LTBP3: variants seen among roughly 807,000 people sequenced by gnomAD.
LTBP3 encodes latent transforming growth factor beta binding protein 3.
In LTBP3, 97 loss-of-function variants were observed where a neutral mutation model predicts 159.7. The observed-to-expected ratio is 0.61, with a 90% CI of 0.52 to 0.72. The LOEUF (loss-of-function observed/expected upper bound fraction) is 0.72, where lower values mean the gene tolerates loss of function less well. Ranked by LOEUF, LTBP3 falls within the 30% of genes least tolerant of loss-of-function variation. LTBP3 has a pLI of 0.00. For missense variants in LTBP3, 1,584 were observed against 1,864.3 expected, an observed-to-expected ratio of 0.85 and a Z score of 2.77; for synonymous variants, 824 against 777.1, an observed-to-expected ratio of 1.06 and a Z score of -1.00.
Position 65,554,189 on chromosome 11 carries a change from C to T in LTBP3, c.523G>A (p.Glu175Lys), listed in dbSNP as rs536136789. Residue 175 changes from glutamate to lysine, a missense_variant, in exon 2 of 28, where the codon GAG (glutamate) becomes AAG (lysine). Physicochemically the swap from Glu to Lys is moderately conservative, Grantham distance 56. This residue lies in a region of LTBP3 where 194 missense variants were observed against 198.7 expected (regional missense o/e 0.98). Coordinates refer to ENST00000301873, the MANE Select transcript of LTBP3 (RefSeq NM_001130144.3). The surrounding 1 kb of genome is among the most constrained non-coding windows in gnomAD (Gnocchi z 5.3). ...STGALPPLAP[E>K]GDSVASKHAI... ...TGCTTGCTGGCCACAGAGTCGCCCT[C>T]CGGAGCCAGGGGCGGCAGCGCCCCT... 1 of 1,611,716 alleles carries T rather than the reference C, an allele frequency of 6.2e-7. No homozygotes were observed. The highest frequency in any genetic ancestry group is 2.2e-5 in the East Asian group (1 of 44,848).
Position 65,539,107 on chromosome 11 carries a change from C to A in LTBP3, c.3885G>T (p.Gly1295=). 1 of 1,462,750 alleles carries A rather than the reference C, an allele frequency of 6.8e-7. No homozygotes were observed. The highest frequency in any genetic ancestry group is 9.1e-7 in the Non-Finnish European group (1 of 1,104,824). The allele number at this position is 1,462,750 out of a possible 1,614,324, so 90.6% of individuals were successfully genotyped here. The change falls in exon 28 of 28, where the codon GGG becomes GGT. Residue 1295 remains glycine (G), a synonymous_variant. Transcript: ENST00000301873. ...KAGFARSRPH[G]ACVPQRRR ...AGCGGCGGCGCTGGGGAACGCAGGC[C>A]CCGTGCGGGCGGCTGCGCGCGAAGC...
Position 65,546,501 on chromosome 11 carries a change from G to A in LTBP3, c.2294C>T (p.Ser765Phe), listed in dbSNP as rs770633969. The A allele has an allele frequency of 1.9e-6, 3 of 1,598,834 alleles. No homozygotes were observed. Among genetic ancestry groups the A allele is most frequent in the Non-Finnish European group, 2.5e-6 (3 of 1,178,898 alleles). Residue 765 changes from serine to phenylalanine, a missense_variant, in exon 16 of 28, where the codon TCC (serine) becomes TTC (phenylalanine). Ser to Phe is a radical substitution (Grantham distance 155). Around this residue, in one of 6 missense-constraint regions of LTBP3, gnomAD observed 565 missense variants for 677.7 expected, o/e 0.83. Coordinates refer to ENST00000301873, the MANE Select transcript of LTBP3 (RefSeq NM_001130144.3). This position sits in a 1 kb window ranked among gnomAD's most constrained non-coding sequence, Gnocchi z 4.0. ...SPGWCENLPG[S>F]FRCTCAQGYA... ...GCCCTGGGCACAGGTGCAGCGGAAG[G>A]AGCCCGGGAGGTTCTCGCACCAGCC...
Position 65,558,043 on chromosome 11 carries a change from C to A in LTBP3, c.-84G>T, listed in dbSNP as rs932369439. Reference sequence around the variant, plus strand: ...CCCGAAGGGAGTAGAGGGCCGGGAGCCCCGGGAGAGGGTAGGGGGCAGCGA... The same window carrying A: ...CCCGAAGGGAGTAGAGGGCCGGGAGACCCGGGAGAGGGTAGGGGGCAGCGA... On this transcript the variant is annotated 5_prime_UTR_variant, in exon 1 of 28. Coordinates refer to ENST00000301873, the MANE Select transcript of LTBP3 (RefSeq NM_001130144.3). The A allele has an allele frequency of 9.3e-7, 1 of 1,074,484 alleles. No homozygotes were observed. The highest frequency in any genetic ancestry group is 1.1e-6 in the Non-Finnish European group (1 of 886,390). The allele number at this position is 1,074,484 out of a possible 1,614,324, so 66.6% of individuals were successfully genotyped here. A position where few individuals can be genotyped will look rare whatever the true frequency, so the allele number is the denominator to read the frequency against.
At chr11:65,540,663 G>A (rs753755551) in intron 21 of LTBP3, 49 bp from the exon 22 acceptor site, 1 of 1,547,462 alleles carries the variant, frequency 6.5e-7, no homozygotes, top group South Asian at 1.1e-5. Flanking sequence ...CTGCAGCCCG[G>A]AGGCGTGGGC....
At chr11:65,548,467 T>G (rs1485603908) in intron 11 of LTBP3, 1 of 318,572 alleles carries the variant, frequency 3.1e-6, no homozygotes, top group Non-Finnish European at 5.9e-6. Flanking sequence ...GCCCAGTGAC[T>G]CCATAAGCCC....
rs1262752000 is a variant in LTBP3, at chr11:65,540,851, C to T, written c.2977+20G>A. 2 of 1,601,898 alleles carry T rather than the reference C, an allele frequency of 1.2e-6. No individual in the cohort carries two copies. Among genetic ancestry groups the T allele is most frequent in the African/African-American group, 1.3e-5 (1 of 74,904 alleles). The stretch of plus-strand genomic sequence containing the variant: ...CCGGGGTGAGAGGGCGCGGGGCGGG[C>T]GGAGCCGCAGGGCGCTTACCACGGT... On this transcript the variant is annotated intron_variant, in intron 21 of 27. Transcript: ENST00000301873.
In LTBP3 at chr11:65,543,626, A is replaced by G. The variant is rs1040410986; in HGVS notation, c.2354-77T>C. 1.8e-5 allele frequency: 29 copies of G among 1,586,786 alleles called. No homozygotes were observed. The African/African-American group carries it at 3.1e-4, about 17-fold the overall frequency. Reference sequence around the variant, plus strand: ...TACTACTGTTTTCTCACTTCTGCGCATGGCCTGGAGCACCAGAGCTGAGGC... The same window carrying G: ...TACTACTGTTTTCTCACTTCTGCGCGTGGCCTGGAGCACCAGAGCTGAGGC... On this transcript the variant is annotated intron_variant, in intron 16 of 27. Transcript: ENST00000301873.
chr11:65,547,383 C>G lies in LTBP3; in HGVS notation c.2107+56G>C. ...AAAATGCAGGCACCCCAGCCCCACC[C>G]CAGGTGGAGAGACAGCTAAGGAGCT... is the stretch of plus-strand genomic sequence containing the variant. On this transcript the variant is annotated intron_variant, in intron 14 of 27. Coordinates refer to ENST00000301873, the MANE Select transcript of LTBP3 (RefSeq NM_001130144.3). This position sits in a 1 kb window ranked among gnomAD's most constrained non-coding sequence, Gnocchi z 4.6. 6.3e-7 allele frequency: 1 copy of G among 1,596,016 alleles called. No homozygotes were observed. The highest frequency in any genetic ancestry group is 1.7e-4 in the Middle Eastern group (1 of 6,012).
chr11:65,547,502 G>A lies in LTBP3; in HGVS notation c.2044C>T (p.His682Tyr). The change falls in exon 14 of 28, where the codon CAC becomes TAC. Residue 682 changes from histidine (H) to tyrosine (Y), a missense_variant. Physicochemically the swap from His to Tyr is moderately conservative, Grantham distance 83 (BLOSUM62 2). This residue lies in a region of LTBP3 where 565 missense variants were observed against 677.7 expected (regional missense o/e 0.83). Transcript: ENST00000301873. This position sits in a 1 kb window ranked among gnomAD's most constrained non-coding sequence, Gnocchi z 4.6. ...DGGFCINFPGHYKCNCYPGYR... is the reference protein window; with the variant it reads ...DGGFCINFPGYYKCNCYPGYR... ...CCGGGGTAGCAGTTGCACTTGTAGT[G>A]ACCGGGAAAGTTGATGCAGAAGCCG... 6.2e-7 allele frequency: 1 copy of A among 1,613,984 alleles called. No individual in the cohort carries two copies. The highest frequency in any genetic ancestry group is 8.5e-7 in the Non-Finnish European group (1 of 1,179,940).
At chr11:65,549,567 C>CTTTTTTTTTTTTTTTTT (rs748132211) in intron 11 of LTBP3, among the ~76,000 whole-genome samples, 6 of 64,744 alleles carry the variant, frequency 9.3e-5, no homozygotes, top group African/African-American at 2.8e-4. Context: ...CCCAGCTAAT[C>CTTTTTTTTTTTTTTTTT]TTTTTTTTTT....
In LTBP3 at chr11:65,551,151, T is replaced by C; in HGVS notation, c.1695A>G (p.Val565=). The change falls in exon 11 of 28, where the codon GTA becomes GTG. Residue 565 remains valine, a synonymous_variant. Coordinates refer to ENST00000301873, the MANE Select transcript of LTBP3 (RefSeq NM_001130144.3). ...CTGTGACCTGAGTGGGAGCGATCTC[T>C]ACGGCGCTGCGGGAAGGAGGCAAGT... ...LPDLPPSRSA[V]EIAPTQVTET... 4 of 1,554,034 alleles carry C rather than the reference T, an allele frequency of 2.6e-6. No homozygotes were observed. Among genetic ancestry groups the C allele is most frequent in the Non-Finnish European group, 3.5e-6 (4 of 1,148,944 alleles).
intron 16 of LTBP3, 134 bp from the exon 17 acceptor site, chr11:65,543,683 G>C: frequency 5.9e-6 from 7 of 1,187,130 alleles, no homozygotes; most frequent in Non-Finnish European, 8.6e-6. Context: ...GCCTCACCCT[G>C]CTTCTGGGTG....
Position 65,539,382 on chromosome 11 carries a change from C to A in LTBP3, c.3706G>T (p.Val1236Leu). 6.5e-7 allele frequency: 1 copy of A among 1,544,034 alleles called. No individual in the cohort carries two copies. The highest frequency in any genetic ancestry group is 1.4e-5 in the African/African-American group (1 of 72,856). ...TGGAAGCCGCCGGGACACTCGCACACGGCGCCGCCCGGCCGCGGCACGCAG... is the reference window on the plus strand; with the variant it reads ...TGGAAGCCGCCGGGACACTCGCACAAGGCGCCGCCCGGCCGCGGCACGCAG... ...GRCVPRPGGA[V>L]CECPGGFQLD... The change falls in exon 27 of 28, where the codon GTG becomes TTG. Residue 1236 changes from valine to leucine, a missense_variant. This residue lies in a region of LTBP3 where 514 missense variants were observed against 530.3 expected (regional missense o/e 0.97). Transcript: ENST00000301873.
At chr11:65,549,856 G>A (rs966065915) in intron 11 of LTBP3, among the ~76,000 whole-genome samples, 11 of 150,882 alleles carry the variant, frequency 7.3e-5, no homozygotes, top group African/African-American at 2.2e-4. Flanking sequence ...AGGAGGTCAA[G>A]GCTGTAGTGA....
Position 65,551,538 on chromosome 11 carries a change from T to G in LTBP3, c.1548+10A>C. The stretch of plus-strand genomic sequence containing the variant: ...CTGCCCACCCCTCCCATCTGGGTTC[T>G]CATACTCACTGAGTCCGTGGTCACC... On this transcript the variant is annotated intron_variant, in intron 9 of 27. Transcript: ENST00000301873. 6.2e-7 allele frequency: 1 copy of G among 1,614,056 alleles called. No homozygotes were observed. Among genetic ancestry groups the G allele is most frequent in the South Asian group, 1.1e-5 (1 of 91,080 alleles).
In LTBP3 at chr11:65,538,561, G is replaced by A. The variant is rs770837602; in HGVS notation, c.*519C>T. On this transcript the variant is annotated 3_prime_UTR_variant, in exon 28 of 28. Coordinates refer to ENST00000301873, the MANE Select transcript of LTBP3 (RefSeq NM_001130144.3). The stretch of plus-strand genomic sequence containing the variant: ...CATGAAGCTGGGAGCCCGGAAGCTG[G>A]ACTGAACCGTGGCGGTGGCCCTTCC... The A allele has an allele frequency of 1.2e-6, 2 of 1,610,920 alleles. No homozygotes were observed. The highest frequency in any genetic ancestry group is 1.7e-6 in the Non-Finnish European group (2 of 1,179,100).
At chr11:65,542,947 T>A (rs1283161377) in intron 18 of LTBP3, 158 bp downstream of exon 18, 1 of 873,768 alleles carries the variant, frequency 1.1e-6, no homozygotes. Flanking sequence ...GATGGATGGA[T>A]GGATGGATGG....
At position 65,539,585 on chromosome 11, in the gene LTBP3, C is replaced by G. The variant is rs1377433271; in HGVS notation, c.3591G>C (p.Trp1197Cys). ...TCCCCAACAGCAGGGGGCTTGTGTC[C>G]CAGAAGGAATTGCTCTCGCTCTGCG... ...PTSQSESNSFWDTSPLLLGKP... is the reference protein window; with the variant it reads ...PTSQSESNSFCDTSPLLLGKP... The change falls in exon 26 of 28, where the codon TGG (tryptophan) becomes TGC (cysteine). Residue 1197 changes from tryptophan to cysteine, a missense_variant. Trp to Cys is a radical substitution (Grantham distance 215, BLOSUM62 -2). Coordinates refer to ENST00000301873, the MANE Select transcript of LTBP3 (RefSeq NM_001130144.3). 6.2e-7 allele frequency: 1 copy of G among 1,612,904 alleles called. No individual in the cohort carries two copies. Among genetic ancestry groups the G allele is most frequent in the South Asian group, 1.1e-5 (1 of 90,982 alleles).
Position 65,547,007 on chromosome 11 carries a change from A to G in LTBP3, c.2108-87T>C. 1 of 1,577,088 alleles carries G rather than the reference A, an allele frequency of 6.3e-7. No individual in the cohort carries two copies. Among genetic ancestry groups the G allele is most frequent in the African/African-American group, 1.3e-5 (1 of 74,530 alleles). On this transcript the variant is annotated intron_variant, in intron 14 of 27. Coordinates refer to ENST00000301873, the MANE Select transcript of LTBP3 (RefSeq NM_001130144.3). The surrounding 1 kb of genome is among the most constrained non-coding windows in gnomAD (Gnocchi z 4.6). ...GCGTCCACAGCAGGGACTTCCTCCC[A>G]CACAGATCAACGAGGCTCCCGGACC...
Sources: gnomAD v4.1 joint callset for allele counts (sites outside exome capture counted in the v4.1 genomes callset) on GRCh38, gnomAD v4.1.1 for gene constraint, gnomAD v4.1.1 regional missense constraint, Gnocchi (gnomAD v3.1) non-coding constraint, MANE v1.5 for transcripts, NCBI Gene and HGNC (gene_info 2026-07-23, HGNC 2026-07-21) for gene names.